DPY19L2: variants seen among roughly 807,000 people sequenced by gnomAD.
DPY19L2 encodes the protein probable C-mannosyltransferase DPY19L2.
Under a neutral mutation model 97.9 loss-of-function variants are expected in DPY19L2, and 34 were observed. The ratio of observed to expected loss-of-function variants is 0.35; its 90% CI spans 0.26 to 0.46. The LOEUF (loss-of-function observed/expected upper bound fraction) is 0.46. Ranked by LOEUF, DPY19L2 falls within the 20% of genes least tolerant of loss-of-function variation. The probability of loss-of-function intolerance (pLI) is 1.00; values close to 1 mark genes in which losing one functional copy is unlikely to be tolerated. For synonymous variants in DPY19L2, 230 were observed against 307.9 expected (o/e 0.75, Z 2.65); for missense variants, 623 against 911.4 (o/e 0.68, Z 4.07).
At chr12:63,591,649 A>C (rs1247837867) in intron 16 of DPY19L2, among the ~76,000 whole-genome samples, 6 of 152,080 alleles carry the variant, frequency 3.9e-5, no homozygotes, top group Non-Finnish European at 7.4e-5. Flanking sequence ...TTATACAATA[A>C]ATAGTTTTAA....
rs543829193 is a variant in DPY19L2 at position 63,577,141 on chromosome 12, G to A, written c.1900+3521C>T. ...CCAGAAAGAAATCCATACATCTACAGTAAACTCATTTTTTACAGCAGTCCC... is the reference window on the plus strand; with the variant it reads ...CCAGAAAGAAATCCATACATCTACAATAAACTCATTTTTTACAGCAGTCCC... On this transcript the variant is annotated intron_variant, in intron 19 of 21. Coordinates refer to ENST00000324472, the MANE Select transcript of DPY19L2 (RefSeq NM_173812.5). Among the ~76,000 whole-genome samples, 80 of 152,072 alleles carry A rather than the reference G, an allele frequency of 5.3e-4. 1 individual carries two copies. The highest frequency in any genetic ancestry group is 1.9e-3 in the African/African-American group (78 of 41,510).
intron 15 of DPY19L2, among the ~76,000 whole-genome samples, chr12:63,594,590 TG>T (rs1883850363): frequency 6.6e-6 from 1 of 151,022 alleles, no homozygotes; most frequent in Non-Finnish European, 1.5e-5. Flanking sequence ...TATGTGTGTG[TG>T]TGTGCGTGCA....
At chr12:63,629,797 T>C (rs1437870695) in intron 6 of DPY19L2, among the ~76,000 whole-genome samples, 2 of 152,086 alleles carry the variant, frequency 1.3e-5, no homozygotes, top group Non-Finnish European at 2.9e-5. Context: ...CAGGAAAAAC[T>C]GTTAAGGGCA....
chr12:63,639,418 C>A (rs2138067704), intron 6 of DPY19L2, among the ~76,000 whole-genome samples: 1 of 152,264 alleles, frequency 6.6e-6, no homozygotes, highest in Admixed American at 6.5e-5. Context: ...AGGCAACCTA[C>A]AGAATGGGAG....
chr12:63,636,958 C>T (rs1891823812), intron 6 of DPY19L2, among the ~76,000 whole-genome samples: 1 of 152,166 alleles, frequency 6.6e-6, no homozygotes, highest in African/African-American at 2.4e-5. Context: ...ACAGAACTCT[C>T]CACCCAATAT....
chr12:63,589,623 T>C (rs1423059491), intron 16 of DPY19L2, among the ~76,000 whole-genome samples: 2 of 151,960 alleles, frequency 1.3e-5, no homozygotes, highest in Non-Finnish European at 2.9e-5. Context: ...TAGACACTTA[T>C]GAAAGAAAAT....
At chr12:63,604,854 T>A (rs1885774852) in intron 12 of DPY19L2, among the ~76,000 whole-genome samples, 1 of 152,150 alleles carries the variant, frequency 6.6e-6, no homozygotes, top group South Asian at 2.1e-4. Context: ...CTGTTGACTG[T>A]CTTTTCTCAT....
intron 6 of DPY19L2, among the ~76,000 whole-genome samples, chr12:63,630,425 T>C (rs1890392929): frequency 6.6e-6 from 1 of 152,054 alleles, no homozygotes; most frequent in Non-Finnish European, 1.5e-5. Flanking sequence ...TCCTAGTCTC[T>C]GATAAAACAG....
At chr12:63,618,473 T>C (rs371893252) in intron 9 of DPY19L2, among the ~76,000 whole-genome samples, 7 of 152,272 alleles carry the variant, frequency 4.6e-5, no homozygotes, top group African/African-American at 1.4e-4. Flanking sequence ...ATTAAAAAGA[T>C]GGATGGCAAT....
intron 21 of DPY19L2, among the ~76,000 whole-genome samples, chr12:63,568,710 G>A (rs910936626): frequency 2.6e-5 from 4 of 151,946 alleles, no homozygotes; most frequent in Middle Eastern, 3.4e-3. Flanking sequence ...CTGTGCTTAG[G>A]AGCCTAAACA....
At chr12:63,571,415 T>C (rs778081459) in intron 19 of DPY19L2, among the ~76,000 whole-genome samples, 7 of 152,156 alleles carry the variant, frequency 4.6e-5, no homozygotes, top group African/African-American at 7.2e-5. Context: ...TCAAGCTTCC[T>C]GCTATGCTAG....
intron 4 of DPY19L2, among the ~76,000 whole-genome samples, chr12:63,649,624 C>A (rs1023523340): frequency 6.6e-6 from 1 of 151,980 alleles, no homozygotes; most frequent in African/African-American, 2.4e-5. Context: ...AAAGATTTAA[C>A]CAAGAAGAAA....
At chr12:63,623,705 T>C in intron 8 of DPY19L2, 1 of 223,074 alleles carries the variant, frequency 4.5e-6, no homozygotes, top group Non-Finnish European at 9.1e-6. Context: ...ATATGTAATA[T>C]ATATATTTAC....
chr12:63,603,626 G>T (rs1885551653), intron 12 of DPY19L2, among the ~76,000 whole-genome samples: 1 of 152,082 alleles, frequency 6.6e-6, no homozygotes, highest in Admixed American at 6.6e-5. Context: ...GCAGTGTTTG[G>T]TTTTCTGTTC....
chr12:63,604,768 T>G (rs1885763069), intron 12 of DPY19L2, among the ~76,000 whole-genome samples: 3 of 152,188 alleles, frequency 2.0e-5, no homozygotes, highest in Admixed American at 1.3e-4. Context: ...AACTGCTCAT[T>G]GAAGTGTTTT....
intron 16 of DPY19L2, among the ~76,000 whole-genome samples, chr12:63,591,987 A>G (rs1883048976): frequency 2.0e-5 from 1 of 49,476 alleles, no homozygotes; most frequent in Non-Finnish European, 3.4e-5. Context: ...AGGGGAAGGG[A>G]AGGGAAGGGA....
intron 4 of DPY19L2, among the ~76,000 whole-genome samples, chr12:63,660,221 C>G (rs540297456): frequency 8.4e-4 from 128 of 151,822 alleles, no homozygotes; most frequent in Non-Finnish European, 1.1e-3. Context: ...GGAAACCATA[C>G]AAAAGTGTAC....
intron 6 of DPY19L2, among the ~76,000 whole-genome samples, chr12:63,636,458 C>T (rs1327036009): frequency 1.3e-5 from 2 of 152,068 alleles, no homozygotes; most frequent in Admixed American, 6.6e-5. Flanking sequence ...GGGCTAAATG[C>T]TCCAATTAAA....
At chr12:63,628,408 C>G (rs1889958942) in intron 6 of DPY19L2, among the ~76,000 whole-genome samples, 1 of 152,146 alleles carries the variant, frequency 6.6e-6, no homozygotes, top group Non-Finnish European at 1.5e-5. Flanking sequence ...AACGGCACAC[C>G]AGGAGATTAT....
Sources: allele counts gnomAD v4.1 joint callset (sites outside exome capture counted in the v4.1 genomes callset), GRCh38; gene constraint gnomAD v4.1.1; transcripts MANE v1.5; gene names NCBI Gene and HGNC (gene_info 2026-07-23, HGNC 2026-07-21).